The following DOK7 variants were observed in gnomAD, a reference collection of about 807,000 sequenced individuals.
DOK7 encodes protein Dok-7.
A neutral mutation model predicts 30.7 loss-of-function variants in DOK7; 32 were observed. That is an observed-to-expected ratio of 1.04 (90% confidence interval 0.79 to 1.40). The LOEUF (loss-of-function observed/expected upper bound fraction) is 1.40. Among genes scored for constraint, DOK7 ranks in the 40% most tolerant of loss-of-function variants. The pLI, the probability that DOK7 is intolerant of heterozygous loss-of-function variation, is 0.00. For synonymous variants in DOK7, 447 were observed against 324.1 expected, an observed-to-expected ratio of 1.38 and a Z score of -4.07; for missense variants, 1,007 against 699.2, an observed-to-expected ratio of 1.44 and a Z score of -4.97.
intron 6 of DOK7, among the ~76,000 whole-genome samples, chr4:3,499,574 ATCCTGC>A (rs1033383125): frequency 6.6e-6 from 1 of 151,940 alleles, no homozygotes; most frequent in African/African-American, 2.4e-5. Context: ...GTCCCCTCCT[ATCCTGC>A]TCCTGCTCTG....
intron 2 of DOK7, 102 bp downstream of exon 2, chr4:3,463,653 A>G: frequency 7.0e-7 from 1 of 1,425,984 alleles, no homozygotes; most frequent in Non-Finnish European, 9.5e-7. Context: ...CGCCGCTGTC[A>G]CCCCGCCGGG....
At chr4:3,485,497 G>C in intron 4 of DOK7, 42 bp from the exon 5 acceptor site, 3 of 1,491,546 alleles carry the variant, frequency 2.0e-6, no homozygotes, top group Non-Finnish European at 2.7e-6. Flanking sequence ...TCCCCAGCCC[G>C]CCCTCGGGCC....
rs185050737 is a variant in DOK7, at chr4:3,492,994, G to A, written c.1008G>A (p.Ser336=). 594 of 1,559,344 alleles carry A rather than the reference G, an allele frequency of 3.8e-4. 2 individuals carry two copies. The African/African-American group carries it at 5.4e-3, about 14-fold the overall frequency. The change falls in exon 7 of 7, where the codon TCG becomes TCA. Residue 336 remains serine, a synonymous_variant. Transcript: ENST00000340083. ...AGGAGGTTGGCCGCCAGAGCTCCTC[G>A]GACAGCGGCATCGCCACTGGCAGCC... ...QLQEVGRQSS[S]DSGIATGSHS...
intron 4 of DOK7, among the ~76,000 whole-genome samples, chr4:3,483,707 A>T (rs16844419): frequency 0.023 from 3,531 of 152,310 alleles, 128 homozygotes; most frequent in African/African-American, 0.079. Context: ...GCTGTCTGTA[A>T]GCTCAGGATT....
intron 7 of DOK7, chr4:3,500,572 CT>C: frequency 6.7e-7 from 1 of 1,503,016 alleles, no homozygotes; most frequent in Non-Finnish European, 8.9e-7. Context: ...GCCACATCCC[CT>C]GAGGGTGTCC....
intron 2 of DOK7, among the ~76,000 whole-genome samples, chr4:3,468,389 G>A (rs567312695): frequency 8.2e-4 from 123 of 150,078 alleles, no homozygotes; most frequent in African/African-American, 1.1e-3. Flanking sequence ...AGTGTGTGCC[G>A]GTGTCTGCAT....
chr4:3,475,046 C>T (rs1351662438), intron 3 of DOK7, among the ~76,000 whole-genome samples: 1 of 152,200 alleles, frequency 6.6e-6, no homozygotes, highest in African/African-American at 2.4e-5. Flanking sequence ...GTGTCCCGCT[C>T]CCCCAGTCTT....
At chr4:3,483,589 G>A (rs1374999330) in intron 4 of DOK7, among the ~76,000 whole-genome samples, 1 of 152,226 alleles carries the variant, frequency 6.6e-6, no homozygotes, top group African/African-American at 2.4e-5. Context: ...CGTGTCTTCG[G>A]GGTGAGTGAC....
chr4:3,490,235 A>ATTCC (rs151019233), intron 6 of DOK7, among the ~76,000 whole-genome samples: 1 of 71,478 alleles, frequency 1.4e-5, no homozygotes, highest in Non-Finnish European at 2.5e-5. Context: ...CCCCTCATTC[A>ATTCC]TTCCTTCCTT....
At chr4:3,494,653 C>T (rs183121554), downstream of DOK7, among the ~76,000 whole-genome samples, 35 of 151,536 alleles carry the variant, frequency 2.3e-4, no homozygotes, top group African/African-American at 7.7e-4. Context: ...CTGTGGTGTG[C>T]GGAGAGGCAG....
At chr4:3,495,895 C>G (rs1319105022), downstream of DOK7, among the ~76,000 whole-genome samples, 1 of 152,172 alleles carries the variant, frequency 6.6e-6, no homozygotes, top group Non-Finnish European at 1.5e-5. Context: ...TCTAGACCAG[C>G]TCAGTTTGCT....
At chr4:3,474,776 C>G (rs999069618) in intron 3 of DOK7, among the ~76,000 whole-genome samples, 3 of 151,722 alleles carry the variant, frequency 2.0e-5, no homozygotes, top group Non-Finnish European at 1.5e-5. Flanking sequence ...GAGCTGAGAT[C>G]GCGCCATTGC....
intron 7 of DOK7, chr4:3,500,469 AG>A: frequency 6.6e-7 from 1 of 1,516,912 alleles, no homozygotes; most frequent in Non-Finnish European, 8.8e-7. Context: ...CAGGGCCCTG[AG>A]CCCCCAGCCC....
rs10022432 is a variant in DOK7 at position 3,493,719 on chromosome 4, C to A, written c.*218C>A. 3.5e-6 allele frequency: 5 copies of A among 1,428,074 alleles called. No homozygotes were observed. In the African/African-American group the frequency reaches 7.2e-5, roughly 21 times the overall value. The allele number at this position is 1,428,074 out of a possible 1,614,324, so 88.5% of individuals were successfully genotyped here. On this transcript the variant is annotated 3_prime_UTR_variant, in exon 7 of 7. Coordinates refer to ENST00000340083, the MANE Select transcript of DOK7 (RefSeq NM_173660.5). ...TTCTGGAAGGCAGGGGCTCTGGGTC[C>A]GGCAGGTCGGGGTCACCAGAGCCCC...
At chr4:3,477,798 G>A (rs763629134) in intron 4 of DOK7, among the ~76,000 whole-genome samples, 22 of 149,992 alleles carry the variant, frequency 1.5e-4, no homozygotes, top group Non-Finnish European at 2.8e-4. Context: ...GATGGGCAGG[G>A]CCGCTGCCTA....
Position 3,485,623 on chromosome 4 carries a change from C to G in DOK7, c.617C>G (p.Thr206Ser), listed in dbSNP as rs1338126929. 1 of 1,606,006 alleles carries G rather than the reference C, an allele frequency of 6.2e-7. No homozygotes were observed. Among genetic ancestry groups the G allele is most frequent in the South Asian group, 1.1e-5 (1 of 89,968 alleles). Residue 206 changes from threonine (T) to serine (S), a missense_variant, in exon 5 of 7, where the codon ACC becomes AGC. Thr to Ser is a moderately conservative substitution (Grantham distance 58, BLOSUM62 1). Coordinates refer to ENST00000340083, the MANE Select transcript of DOK7 (RefSeq NM_173660.5). ...TGCATCGTCCGAGGCATCTCCCCCACCAAGGGCCCCTTTGGGCTGCGGCCG... is the reference window on the plus strand; with the variant it reads ...TGCATCGTCCGAGGCATCTCCCCCAGCAAGGGCCCCTTTGGGCTGCGGCCG... Reference protein sequence around the residue: ...FDCIVRGISPTKGPFGLRPVL... With the variant: ...FDCIVRGISPSKGPFGLRPVL...
At position 3,492,814 on chromosome 4, in the gene DOK7, C is replaced by A. The variant is rs772682276; in HGVS notation, c.828C>A (p.Ser276Arg). 29 of 1,612,518 alleles carry A rather than the reference C, an allele frequency of 1.8e-5. No homozygotes were observed. The South Asian group carries it at 3.0e-4, about 16-fold the overall frequency. ...SSSEASHLDV[S>R]ASSRLTAWPE... ...CAGAGGCCAGTCACTTGGACGTCAG[C>A]GCCAGCAGCCGGCTCACCGCATGGC... Residue 276 changes from serine to arginine, a missense_variant, in exon 7 of 7, where the codon AGC (serine) becomes AGA (arginine). Transcript: ENST00000340083.
At chr4:3,474,962 A>G (rs764941412) in intron 3 of DOK7, among the ~76,000 whole-genome samples, 2 of 152,228 alleles carry the variant, frequency 1.3e-5, no homozygotes, top group Non-Finnish European at 2.9e-5. Context: ...TGGACTCTGC[A>G]TAACTTTACT....
At chr4:3,495,704 G>C (rs2699412), downstream of DOK7, among the ~76,000 whole-genome samples, 106,114 of 152,034 alleles carry the variant, frequency 0.7, 37,555 homozygotes, top group East Asian at 0.92. Context: ...TTTCTTGACG[G>C]CCCTGGAGCA....
Sources: gnomAD v4.1 joint callset for allele counts (sites outside exome capture counted in the v4.1 genomes callset) on GRCh38, gnomAD v4.1.1 for gene constraint, MANE v1.5 for transcripts, NCBI Gene and HGNC (gene_info 2026-07-23, HGNC 2026-07-21) for gene names.